Variants in SYT1 observed in about 807,000 individuals in gnomAD.
SYT1 encodes synaptotagmin 1.
Under a neutral mutation model 44.8 loss-of-function variants are expected in SYT1, and 8 were observed. The observed-to-expected ratio is 0.18, with a 90% CI of 0.10 to 0.32. The LOEUF is 0.32. Among genes scored for constraint, SYT1 ranks in the 10% least tolerant of loss-of-function variants. The pLI is 1.00. For synonymous variants in SYT1, 154 were observed against 188.8 expected, an observed-to-expected ratio of 0.82 and a Z score of 1.51; for missense variants, 286 against 509.3, an observed-to-expected ratio of 0.56 and a Z score of 4.22.
intron 1 of SYT1, among the ~76,000 whole-genome samples, chr12:78,920,699 T>G (rs775705408): frequency 2.6e-5 from 4 of 151,966 alleles, no homozygotes; most frequent in Non-Finnish European, 5.9e-5. Context: ...ATTCAAAACC[T>G]TCTATGATCT....
intron 3 of SYT1, among the ~76,000 whole-genome samples, chr12:79,171,768 T>C (rs1424815615): frequency 6.6e-6 from 1 of 151,956 alleles, no homozygotes; most frequent in Non-Finnish European, 1.5e-5. Context: ...CTGTGTAACA[T>C]GGATGAACTA....
At chr12:78,968,880 G>A (rs1592615476) in intron 1 of SYT1, among the ~76,000 whole-genome samples, 1 of 152,244 alleles carries the variant, frequency 6.6e-6, no homozygotes, top group East Asian at 1.9e-4. Context: ...TATCATGTGT[G>A]TGAATAAGAC....
chr12:79,286,518 A>T (rs905731969), intron 5 of SYT1, among the ~76,000 whole-genome samples: 1 of 152,204 alleles, frequency 6.6e-6, no homozygotes, highest in Non-Finnish European at 1.5e-5. Context: ...AGAACACGAC[A>T]GGATAGAATT....
At chr12:79,264,020 A>G (rs1877981861) in intron 4 of SYT1, among the ~76,000 whole-genome samples, 1 of 152,162 alleles carries the variant, frequency 6.6e-6, no homozygotes. Flanking sequence ...ATTATCAGAG[A>G]TTGGATTAAT....
chr12:79,048,077 C>A (rs1470919335), intron 3 of SYT1, among the ~76,000 whole-genome samples: 1 of 151,724 alleles, frequency 6.6e-6, no homozygotes, highest in Non-Finnish European at 1.5e-5. Context: ...AAAAGCAAAA[C>A]CCATGTTGAT....
At chr12:78,982,200 G>C (rs1334645230) in intron 2 of SYT1, among the ~76,000 whole-genome samples, 1 of 152,108 alleles carries the variant, frequency 6.6e-6, no homozygotes, top group African/African-American at 2.4e-5. Context: ...TTTTTGAGCT[G>C]ATATATCTCA....
At chr12:79,251,398 C>T (rs1490042192) in intron 4 of SYT1, among the ~76,000 whole-genome samples, 1 of 151,890 alleles carries the variant, frequency 6.6e-6, no homozygotes, top group Non-Finnish European at 1.5e-5. Flanking sequence ...AGGAAATCTC[C>T]CCAGAAAATA....
At chr12:79,333,279 G>A (rs1526956) in intron 8 of SYT1, among the ~76,000 whole-genome samples, 16,984 of 152,138 alleles carry the variant, frequency 0.11, 1,416 homozygotes, top group African/African-American at 0.24. Flanking sequence ...TTTTCACCAT[G>A]TCCTCACATG....
intron 2 of SYT1, among the ~76,000 whole-genome samples, chr12:78,991,218 T>C (rs1052771940): frequency 8.5e-5 from 13 of 152,082 alleles, no homozygotes; most frequent in African/African-American, 2.9e-4. Context: ...ATATATAACA[T>C]TAAAAGAACC....
intron 1 of SYT1, among the ~76,000 whole-genome samples, chr12:78,888,635 A>T (rs1220953223): frequency 2.0e-5 from 3 of 151,880 alleles, no homozygotes; most frequent in African/African-American, 7.2e-5. Flanking sequence ...CACTTTTAGG[A>T]GTGCTTCAAA....
At chr12:79,071,411 A>G (rs1255317666) in intron 3 of SYT1, among the ~76,000 whole-genome samples, 1 of 152,188 alleles carries the variant, frequency 6.6e-6, no homozygotes, top group Non-Finnish European at 1.5e-5. Flanking sequence ...TCTGTGCTAA[A>G]AGAGTACAAG....
chr12:79,076,108 C>T (rs972088276), intron 3 of SYT1, among the ~76,000 whole-genome samples: 3 of 151,976 alleles, frequency 2.0e-5, no homozygotes, highest in East Asian at 3.9e-4. Context: ...GACCTTTTTG[C>T]TAAGTTTGAT....
intron 3 of SYT1, among the ~76,000 whole-genome samples, chr12:79,090,255 G>A (rs200326343): frequency 1.3e-5 from 2 of 152,010 alleles, no homozygotes; most frequent in Non-Finnish European, 2.9e-5. Context: ...CTCATTGTAA[G>A]TTGGTACAGC....
chr12:79,427,549 G>A (rs1869523273), intron 9 of SYT1, among the ~76,000 whole-genome samples: 1 of 152,172 alleles, frequency 6.6e-6, no homozygotes, highest in Non-Finnish European at 1.5e-5. Flanking sequence ...GAGATTAGGA[G>A]GGAAAAAGAC....
At chr12:79,435,406 C>T (rs1870029407) in intron 9 of SYT1, among the ~76,000 whole-genome samples, 1 of 152,136 alleles carries the variant, frequency 6.6e-6, no homozygotes, top group African/African-American at 2.4e-5. Flanking sequence ...TGGGCTCAAG[C>T]TATCCTCCCA....
intron 8 of SYT1, among the ~76,000 whole-genome samples, chr12:79,330,390 A>G (rs988401158): frequency 6.6e-6 from 1 of 152,226 alleles, no homozygotes; most frequent in Non-Finnish European, 1.5e-5. Flanking sequence ...TCGTACTGGC[A>G]TGATGCTGAG....
intron 1 of SYT1, among the ~76,000 whole-genome samples, chr12:78,914,540 A>G (rs147638666): frequency 3.9e-5 from 6 of 152,132 alleles, no homozygotes; most frequent in Admixed American, 3.3e-4. Flanking sequence ...GAGTATAGAT[A>G]GATAGAGCGA....
chr12:79,299,416 A>T lies in SYT1; in HGVS notation c.675A>T (p.Leu225=). The change falls in exon 8 of 11, where the codon CTA becomes CTT. Residue 225 remains leucine, a synonymous_variant. Transcript: ENST00000261205. ...ACTCGGAATTGGGTGGCAAAACCCT[A>T]GTGATGGCTGTATATGATTTTGATC... is the stretch of plus-strand genomic sequence containing the variant. ...VPYSELGGKT[L]VMAVYDFDRF... The T allele has an allele frequency of 6.2e-7, 1 of 1,613,532 alleles. No homozygotes were observed. Among genetic ancestry groups the T allele is most frequent in the African/African-American group, 1.3e-5 (1 of 74,992 alleles).
chr12:78,876,419 A>G (rs985386035), intron 1 of SYT1, among the ~76,000 whole-genome samples: 16 of 144,938 alleles, frequency 1.1e-4, no homozygotes, highest in African/African-American at 4.0e-4. Context: ...AATGCTCTCT[A>G]TAGACATTAT....
Sources: gnomAD v4.1 joint callset for allele counts (sites outside exome capture counted in the v4.1 genomes callset) on GRCh38, gnomAD v4.1.1 for gene constraint, MANE v1.5 for transcripts, NCBI Gene and HGNC (gene_info 2026-07-23, HGNC 2026-07-21) for gene names.